Variants in PDGFRA observed in about 807,000 individuals in gnomAD.
PDGFRA encodes platelet derived growth factor receptor alpha.
In PDGFRA, 25 loss-of-function variants were observed where a neutral mutation model predicts 121.5. The ratio of observed to expected loss-of-function variants is 0.21; its 90% confidence interval spans 0.15 to 0.29. The LOEUF (loss-of-function observed/expected upper bound fraction) is 0.29. Ranked by LOEUF, PDGFRA falls within the 10% of genes least tolerant of loss-of-function variation. The probability of loss-of-function intolerance (pLI) is 1.00; values close to 1 mark genes in which losing one functional copy is unlikely to be tolerated. For synonymous variants in PDGFRA, 463 were observed against 494.8 expected (o/e 0.94, Z 0.85); for missense variants, 1,008 against 1,345.1 (o/e 0.75, Z 3.92).
chr4:54,249,455 T>TA (rs1038839796), intron 1 of PDGFRA, among the ~76,000 whole-genome samples: 3 of 152,110 alleles, frequency 2.0e-5, no homozygotes, highest in African/African-American at 4.8e-5. Flanking sequence ...TATGCAGCCA[T>TA]AAAAAATGAT....
intron 16 of PDGFRA, 148 bp downstream of exon 16, chr4:54,280,630 G>A: frequency 1.5e-6 from 1 of 658,160 alleles, no homozygotes; most frequent in Non-Finnish European, 2.7e-6. Flanking sequence ...AACCAGTTCT[G>A]TGACATGTTT....
intron 1 of PDGFRA, among the ~76,000 whole-genome samples, chr4:54,243,264 A>G (rs1244111109): frequency 6.6e-6 from 1 of 152,188 alleles, no homozygotes; most frequent in East Asian, 1.9e-4. Flanking sequence ...TACATAATTA[A>G]GATCACTTAC....
chr4:54,232,395 C>G (rs1022524488), intron 1 of PDGFRA, among the ~76,000 whole-genome samples: 2 of 152,158 alleles, frequency 1.3e-5, no homozygotes, highest in African/African-American at 4.8e-5. Flanking sequence ...AATGAGCGAA[C>G]CTGGGATGGG....
At position 54,261,327 on chromosome 4, in the gene PDGFRA, C is replaced by T. The variant is rs750282565; in HGVS notation, c.282C>T (p.His94=). 1 of 1,614,082 alleles carries T rather than the reference C, an allele frequency of 6.2e-7. No homozygotes were observed. ...VLEVSSASAA[H]TGLYTCYYNH... ...AAGTGAGCAGTGCCTCGGCGGCCCA[C>T]ACAGGGTTGTACACTTGCTATTACA... The change falls in exon 3 of 23, where the codon CAC becomes CAT. Residue 94 remains histidine, a synonymous_variant. Transcript: ENST00000257290.
chr4:54,298,219 C>A lies in PDGFRA; in HGVS notation c.*2947C>A. ...CGTGTAAATGAAGATCTTTATATTT[C>A]AATAAATGATATATAATTTAAAGTT... is the stretch of plus-strand genomic sequence containing the variant. On this transcript the variant is annotated 3_prime_UTR_variant, in exon 23 of 23. Transcript: ENST00000257290. 1 of 193,714 alleles carries A rather than the reference C, an allele frequency of 5.2e-6. No homozygotes were observed. The allele number at this position is 193,714 out of a possible 1,614,324, so 12.0% of individuals were successfully genotyped here.
intron 1 of PDGFRA, among the ~76,000 whole-genome samples, chr4:54,247,578 A>G (rs956127130): frequency 3.3e-5 from 5 of 151,918 alleles, no homozygotes; most frequent in Non-Finnish European, 5.9e-5. Flanking sequence ...ATCTCAAAAT[A>G]ATAAGAGCTA....
chr4:54,294,631 G>A (rs1251766506), intron 22 of PDGFRA, among the ~76,000 whole-genome samples: 1 of 152,058 alleles, frequency 6.6e-6, no homozygotes, highest in Non-Finnish European at 1.5e-5. Context: ...CCCTCAAGTT[G>A]GGGGTTGGTG....
rs577543171 is a variant in PDGFRA at position 54,293,676 on chromosome 4, C to T, written c.3123-1449C>T. On this transcript the variant is annotated intron_variant, in intron 22 of 22. Transcript: ENST00000257290. ...GAACTCCTGACCTCAAGTGATCTGC[C>T]GGTCTCGGCCTCCCAAGATGCTGGG... Among the ~76,000 whole-genome samples, 33 of 152,222 alleles carry T rather than the reference C, an allele frequency of 2.2e-4. 1 individual carries two copies. Among genetic ancestry groups the T allele is most frequent in the African/African-American group, 5.8e-4 (24 of 41,552 alleles).
chr4:54,261,212 G>C lies in PDGFRA; in HGVS notation c.167G>C (p.Ser56Thr), dbSNP rs587778601. Residue 56 changes from serine (S) to threonine (T), a missense_variant, in exon 3 of 23, where the codon AGC (serine) becomes ACC (threonine). Physicochemically the swap from Ser to Thr is moderately conservative, Grantham distance 58. This residue lies in a region of PDGFRA where 575 missense variants were observed against 701.8 expected (regional missense o/e 0.82). Coordinates refer to ENST00000257290, the MANE Select transcript of PDGFRA (RefSeq NM_006206.6). The stretch of plus-strand genomic sequence containing the variant: ...AGATGCTTTGGGGAGAGTGAAGTGA[G>C]CTGGCAGTACCCCATGTCTGAAGAA... Reference protein sequence around the residue: ...SLRCFGESEVSWQYPMSEEES... With the variant: ...SLRCFGESEVTWQYPMSEEES... 5.8e-5 allele frequency: 93 copies of C among 1,614,056 alleles called. No individual in the cohort carries two copies. The South Asian group carries it at 9.8e-4, about 17-fold the overall frequency.
intron 1 of PDGFRA, among the ~76,000 whole-genome samples, chr4:54,232,699 C>T (rs983918454): frequency 2.0e-5 from 3 of 152,230 alleles, no homozygotes; most frequent in Non-Finnish European, 2.9e-5. Context: ...ATTCTCCTGC[C>T]TCAGCCTCCC....
intron 1 of PDGFRA, among the ~76,000 whole-genome samples, chr4:54,257,014 G>T (rs1413908084): frequency 6.6e-6 from 1 of 152,022 alleles, no homozygotes; most frequent in African/African-American, 2.4e-5. Flanking sequence ...GGGCAACAGT[G>T]CAAGACCCTG....
At chr4:54,264,731 T>C in intron 4 of PDGFRA, 188 bp from the exon 5 acceptor site, 1 of 560,126 alleles carries the variant, frequency 1.8e-6, no homozygotes, top group Non-Finnish European at 3.2e-6. Flanking sequence ...GTATTATAAC[T>C]ATATGCCTAA....
At chr4:54,253,986 G>C (rs978923161) in intron 1 of PDGFRA, among the ~76,000 whole-genome samples, 1 of 152,142 alleles carries the variant, frequency 6.6e-6, no homozygotes, top group Non-Finnish European at 1.5e-5. Context: ...TGCCTGGCCT[G>C]TTCTCACTGA....
Position 54,293,204 on chromosome 4 carries a change from G to A in PDGFRA, c.3123-1921G>A, listed in dbSNP as rs115141678. ...GTTTGCCTGTGGAGTTCCCACAATC[G>A]GCATTTTGCTGATTACATCCTTGAA... is the stretch of plus-strand genomic sequence containing the variant. On this transcript the variant is annotated intron_variant, in intron 22 of 22. Transcript: ENST00000257290. Among the ~76,000 whole-genome samples, 761 of 151,960 alleles carry A rather than the reference G, an allele frequency of 5.0e-3. 6 individuals are homozygous for A. Among genetic ancestry groups the A allele is most frequent in the African/African-American group, 0.018 (730 of 41,414 alleles).
At position 54,295,671 on chromosome 4, in the gene PDGFRA, A is replaced by C; in HGVS notation, c.*399A>C. 3.0e-6 allele frequency: 1 copy of C among 337,488 alleles called. No homozygotes were observed. The highest frequency in any genetic ancestry group is 5.5e-6 in the Non-Finnish European group (1 of 180,374). The allele number at this position is 337,488 out of a possible 1,614,324, so 20.9% of individuals were successfully genotyped here. A position where few individuals can be genotyped will look rare whatever the true frequency, so the allele number is the denominator to read the frequency against. ...AGGCTGTGTTTAGATTGTATTAACT[A>C]TCTTCTTTGGACTTCTGAAGAGACC... On this transcript the variant is annotated 3_prime_UTR_variant, in exon 23 of 23. Transcript: ENST00000257290.
rs775953848 is a variant in PDGFRA at position 54,267,372 on chromosome 4, G to A, written c.843G>A (p.Thr281=). The part of the protein sequence containing the change: ...LVYTLTVPEA[T]VKDSGDYECA... ...ACACTTTGACGGTCCCCGAGGCCAC[G>A]GTGAAAGACAGTGGAGATTACGAAT... The change falls in exon 6 of 23, where the codon ACG becomes ACA. Residue 281 remains threonine (T), a synonymous_variant. Coordinates refer to ENST00000257290, the MANE Select transcript of PDGFRA (RefSeq NM_006206.6). The A allele has an allele frequency of 1.4e-5, 22 of 1,613,828 alleles. No individual in the cohort carries two copies. Among genetic ancestry groups the A allele is most frequent in the Admixed American group, 5.0e-5 (3 of 59,990 alleles).
chr4:54,263,867 G>A lies in PDGFRA; in HGVS notation c.568G>A (p.Glu190Lys), dbSNP rs1036522662. 9.9e-6 allele frequency: 16 copies of A among 1,614,028 alleles called. No homozygotes were observed. The highest frequency in any genetic ancestry group is 1.3e-5 in the Non-Finnish European group (15 of 1,179,972). The change falls in exon 4 of 23, where the codon GAG becomes AAG. Residue 190 changes from glutamate (E) to lysine (K), a missense_variant. Physicochemically the swap from Glu to Lys is moderately conservative, Grantham distance 56 (BLOSUM62 1). Coordinates refer to ENST00000257290, the MANE Select transcript of PDGFRA (RefSeq NM_006206.6). ...CTTCACTGTAGGGCCCTATATCTGT[G>A]AGGCCACCGTCAAAGGAAAGAAGTT... ...GTFTVGPYIC[E>K]ATVKGKKFQT...
chr4:54,274,657 T>C (rs1320149619), intron 11 of PDGFRA, 32 bp downstream of exon 11: 2 of 1,553,810 alleles, frequency 1.3e-6, no homozygotes, highest in Non-Finnish European at 1.8e-6. Flanking sequence ...TAAAGATCTT[T>C]GAAGCCAATG....
Position 54,261,310 on chromosome 4 carries a change from A to C in PDGFRA, c.265A>C (p.Ser89Arg). The C allele has an allele frequency of 6.2e-7, 1 of 1,614,100 alleles. No individual in the cohort carries two copies. Among genetic ancestry groups the C allele is most frequent in the Non-Finnish European group, 8.5e-7 (1 of 1,179,992 alleles). The change falls in exon 3 of 23, where the codon AGT becomes CGT. Residue 89 changes from serine (S) to arginine (R), a missense_variant. Ser to Arg is a moderately radical substitution (Grantham distance 110). Around this residue, in one of 5 missense-constraint regions of PDGFRA, gnomAD observed 575 missense variants for 701.8 expected, o/e 0.82. Coordinates refer to ENST00000257290, the MANE Select transcript of PDGFRA (RefSeq NM_006206.6). ...TTTTGTGACGGTCTTGGAAGTGAGC[A>C]GTGCCTCGGCGGCCCACACAGGGTT... ...GLFVTVLEVS[S>R]ASAAHTGLYT... is the part of the protein sequence containing the mutation.
Sources: allele counts gnomAD v4.1 joint callset (sites outside exome capture counted in the v4.1 genomes callset), GRCh38; gene constraint gnomAD v4.1.1; regional missense constraint gnomAD v4.1.1; transcripts MANE v1.5; gene names NCBI Gene and HGNC (gene_info 2026-07-23, HGNC 2026-07-21).